Variants in GRB2 observed in about 807,000 individuals in gnomAD.
GRB2 encodes the protein growth factor receptor bound protein 2, also known as growth factor receptor-bound protein 2.
Under a neutral mutation model 27.4 loss-of-function variants are expected in GRB2, and 2 were observed. The observed-to-expected ratio is 0.07, with a 90% CI of 0.03 to 0.23. GRB2 has a LOEUF of 0.23. Among genes scored for constraint, GRB2 ranks in the 10% least tolerant of loss-of-function variants. GRB2 has a pLI of 1.00. For synonymous variants in GRB2, 94 were observed against 99.6 expected (o/e 0.94, Z 0.33); for missense variants, 102 against 282.4 (o/e 0.36, Z 4.58).
chr17:75,390,665 A>G (rs1269459898), intron 2 of GRB2, among the ~76,000 whole-genome samples: 2 of 152,224 alleles, frequency 1.3e-5, no homozygotes, highest in Non-Finnish European at 2.9e-5. Context: ...CTGGACAGTA[A>G]CAGGTCAATG....
chr17:75,393,861 G>C, intron 1 of GRB2, 96 bp from the exon 2 acceptor site: 1 of 538,066 alleles, frequency 1.9e-6, no homozygotes, highest in East Asian at 3.1e-5. Context: ...ACGCCCCCTG[G>C]CTCGGCCTGG....
intron 2 of GRB2, among the ~76,000 whole-genome samples, chr17:75,364,656 G>A (rs977584816): frequency 6.6e-6 from 1 of 151,926 alleles, no homozygotes; most frequent in Non-Finnish European, 1.5e-5. Flanking sequence ...TGACCAGTAC[G>A]TCCTGTAATC....
chr17:75,403,886 G>C (rs1293271706), intron 1 of GRB2, among the ~76,000 whole-genome samples: 1 of 152,202 alleles, frequency 6.6e-6, no homozygotes, highest in Non-Finnish European at 1.5e-5. Flanking sequence ...GGCCAAGGCG[G>C]GTGGATTACC....
At chr17:75,366,179 C>T (rs985835135) in intron 2 of GRB2, among the ~76,000 whole-genome samples, 1 of 151,750 alleles carries the variant, frequency 6.6e-6, no homozygotes, top group Non-Finnish European at 1.5e-5. Context: ...AAAAAAAAAT[C>T]ATGGAGATGC....
intron 2 of GRB2, among the ~76,000 whole-genome samples, chr17:75,384,042 A>G (rs1282076291): frequency 1.3e-5 from 2 of 152,178 alleles, no homozygotes; most frequent in Non-Finnish European, 2.9e-5. Flanking sequence ...CCAAGCAGGC[A>G]GGTCTCGCCT....
chr17:75,355,385 G>C (rs1221839119), intron 2 of GRB2, among the ~76,000 whole-genome samples: 2 of 152,066 alleles, frequency 1.3e-5, no homozygotes, highest in Non-Finnish European at 2.9e-5. Flanking sequence ...TTCTGGAACA[G>C]TTGTCTATAC....
intron 2 of GRB2, among the ~76,000 whole-genome samples, chr17:75,363,859 C>CAAAAAAAAAAAAAAAAAA (rs55746272): frequency 5.1e-5 from 3 of 58,526 alleles, no homozygotes; most frequent in South Asian, 7.3e-4. Context: ...GACTCCGTCT[C>CAAAAAAAAAAAAAAAAAA]AAAAAAAAAA....
intron 2 of GRB2, among the ~76,000 whole-genome samples, chr17:75,347,420 T>C (rs769156134): frequency 6.6e-5 from 10 of 152,162 alleles, no homozygotes; most frequent in Admixed American, 1.3e-4. Context: ...ATGCCCATCT[T>C]TGAGTGGTGC....
At chr17:75,391,225 A>G (rs142102169) in intron 2 of GRB2, among the ~76,000 whole-genome samples, 112 of 152,254 alleles carry the variant, frequency 7.4e-4, no homozygotes, top group Non-Finnish European at 1.3e-3. Context: ...TTATGACTTC[A>G]TATCTCAGTT....
In GRB2 at chr17:75,325,540, G is replaced by C. The variant is rs61764612; in HGVS notation, c.299+358C>G. Among the ~76,000 whole-genome samples the C allele has an allele frequency of 3.1e-3, 477 of 152,312 alleles. 2 individuals carry two copies. Among genetic ancestry groups the C allele is most frequent in the African/African-American group, 0.011 (443 of 41,562 alleles). On this transcript the variant is annotated intron_variant, in intron 4 of 5. Transcript: ENST00000316804. ...GGTTGATTTAAGTCAGTGGACCTGA[G>C]CAAGGCAAGCCAAGGCAGCCGACAG...
intron 2 of GRB2, among the ~76,000 whole-genome samples, chr17:75,344,855 AC>A (rs1180788469): frequency 5.6e-5 from 8 of 144,140 alleles, no homozygotes; most frequent in African/African-American, 1.5e-4. Flanking sequence ...CCCCCTCCCA[AC>A]CCCCCCGCCT....
chr17:75,374,470 C>T (rs1567871012), intron 2 of GRB2, among the ~76,000 whole-genome samples: 1 of 151,172 alleles, frequency 6.6e-6, no homozygotes. Context: ...TAGCTGACAC[C>T]TGTAATCCCA....
intron 2 of GRB2, among the ~76,000 whole-genome samples, chr17:75,376,581 A>G (rs771592341): frequency 2.0e-4 from 30 of 152,066 alleles, no homozygotes; most frequent in Admixed American, 6.6e-4. Context: ...GCACATAGAC[A>G]TTTTTAGCCT....
intron 2 of GRB2, among the ~76,000 whole-genome samples, chr17:75,335,505 G>C (rs1226545246): frequency 2.0e-5 from 3 of 152,214 alleles, no homozygotes; most frequent in African/African-American, 7.2e-5. Context: ...GGGTAGATAA[G>C]AATGACAGAT....
intron 2 of GRB2, among the ~76,000 whole-genome samples, chr17:75,344,003 T>G (rs1454787642): frequency 2.6e-5 from 4 of 152,170 alleles, no homozygotes; most frequent in African/African-American, 4.8e-5. Flanking sequence ...CCCAAGGAGC[T>G]TAGGGGACTA....
chr17:75,343,251 CTGACTTG>C (rs1427246379), intron 2 of GRB2, among the ~76,000 whole-genome samples: 1 of 151,950 alleles, frequency 6.6e-6, no homozygotes, highest in African/African-American at 2.4e-5. Flanking sequence ...GTCTGCCTGT[CTGACTTG>C]TGACAGACTT....
intron 2 of GRB2, among the ~76,000 whole-genome samples, chr17:75,376,928 C>A (rs148752883): frequency 1.3e-5 from 2 of 152,030 alleles, no homozygotes; most frequent in East Asian, 3.9e-4. Context: ...GGAGGATCAA[C>A]TGAGCCTGGA....
chr17:75,389,745 T>C (rs1403204413), intron 2 of GRB2, among the ~76,000 whole-genome samples: 1 of 152,072 alleles, frequency 6.6e-6, no homozygotes, highest in African/African-American at 2.4e-5. Context: ...ACTGGGAGGC[T>C]GAGGCAGGAG....
intron 3 of GRB2, among the ~76,000 whole-genome samples, chr17:75,330,944 T>C (rs1567857920): frequency 6.6e-6 from 1 of 152,134 alleles, no homozygotes; most frequent in East Asian, 1.9e-4. Context: ...GAATGCTGCA[T>C]TAGCTGACAT....
Sources: gnomAD v4.1 joint callset for allele counts (sites outside exome capture counted in the v4.1 genomes callset) on GRCh38, gnomAD v4.1.1 for gene constraint, MANE v1.5 for transcripts, NCBI Gene and HGNC (gene_info 2026-07-23, HGNC 2026-07-21) for gene names.